The following ATP2B4 variants were observed in gnomAD, a reference collection of about 807,000 sequenced individuals.
ATP2B4 encodes ATPase plasma membrane Ca2+ transporting 4.
ATP2B4 carries 39 observed loss-of-function variants against 110.3 expected under a neutral mutation model. That is an observed-to-expected ratio of 0.35 (90% confidence interval 0.27 to 0.46). The LOEUF is 0.46. ATP2B4 is among the 20% of genes least tolerant of loss of function. ATP2B4 has a pLI of 1.00. For missense variants in ATP2B4, 1,135 were observed against 1,530.9 expected (o/e 0.74, Z 4.32); for synonymous variants, 538 against 571.7 (o/e 0.94, Z 0.84).
intron 3 of ATP2B4, among the ~76,000 whole-genome samples, chr1:203,699,005 G>T (rs988032425): frequency 6.6e-6 from 1 of 152,078 alleles, no homozygotes; most frequent in Admixed American, 6.6e-5. Context: ...AAACCCCTGG[G>T]GTCAAGCGAT....
rs1261214564 is a variant in ATP2B4 at position 203,722,523 on chromosome 1, A to T, written c.2858A>T (p.His953Leu). ...DIDSGRKAPL[H>L]SPPSQHYTIV... ...GATAGTGGGAGGAAGGCACCTCTAC[A>T]TTCACCACCCAGCCAGCACTATACC... Residue 953 changes from histidine (H) to leucine (L), a missense_variant, in exon 18 of 21, where the codon CAT becomes CTT. By Grantham distance (99) the His-to-Leu change is moderately conservative (BLOSUM62 -3). Around this residue, in one of 9 missense-constraint regions of ATP2B4, gnomAD observed 155 missense variants for 186.2 expected, o/e 0.83. Coordinates refer to ENST00000357681, the MANE Select transcript of ATP2B4 (RefSeq NM_001684.5). The T allele has an allele frequency of 1.2e-6, 2 of 1,614,124 alleles. No individual in the cohort carries two copies. Among genetic ancestry groups the T allele is most frequent in the East Asian group, 4.5e-5 (2 of 44,888 alleles).
intron 1 of ATP2B4, among the ~76,000 whole-genome samples, chr1:203,654,866 GAC>G (rs1291595829): frequency 1.4e-5 from 2 of 147,700 alleles, no homozygotes; most frequent in Non-Finnish European, 3.0e-5. Context: ...CAGCCTGGGT[GAC>G]AGAGTGAGAC....
intron 1 of ATP2B4, among the ~76,000 whole-genome samples, chr1:203,639,570 G>A (rs1663564348): frequency 6.6e-6 from 1 of 152,192 alleles, no homozygotes. Flanking sequence ...AGCTGGTAGG[G>A]GCCTTAGATA....
chr1:203,713,149 G>C lies in ATP2B4; in HGVS notation c.2212-16G>C. Reference sequence around the variant, plus strand: ...TTCTGCATTTGACTGATCCAGGTGTGGTCTGGTGTTGGCAGGTAGAGCAAG... The same window carrying C: ...TTCTGCATTTGACTGATCCAGGTGTCGTCTGGTGTTGGCAGGTAGAGCAAG... On this transcript the variant is annotated splice_polypyrimidine_tract_variant and intron_variant, in intron 13 of 20. Coordinates refer to ENST00000357681, the MANE Select transcript of ATP2B4 (RefSeq NM_001684.5). 2 of 1,614,056 alleles carry C rather than the reference G, an allele frequency of 1.2e-6. No individual in the cohort carries two copies. The highest frequency in any genetic ancestry group is 1.7e-6 in the Non-Finnish European group (2 of 1,179,902).
chr1:203,737,070 A>G (rs1666895292), intron 20 of ATP2B4, among the ~76,000 whole-genome samples: 1 of 151,952 alleles, frequency 6.6e-6, no homozygotes. Context: ...GACATTTCCC[A>G]TATTTTTTCC....
At chr1:203,685,577 A>G (rs1665155019) in intron 2 of ATP2B4, among the ~76,000 whole-genome samples, 1 of 152,190 alleles carries the variant, frequency 6.6e-6, no homozygotes, top group Non-Finnish European at 1.5e-5. Flanking sequence ...TTTTACATAG[A>G]TATCTATACC....
At chr1:203,657,770 C>G in intron 1 of ATP2B4, 1 of 646,936 alleles carries the variant, frequency 1.5e-6, no homozygotes, top group Non-Finnish European at 2.8e-6. Context: ...TGGTGACAGG[C>G]GCAGAACCAC....
chr1:203,741,379 T>C lies in ATP2B4; in HGVS notation c.*1525T>C, dbSNP rs1254391975. On this transcript the variant is annotated 3_prime_UTR_variant, in exon 21 of 21. Coordinates refer to ENST00000357681, the MANE Select transcript of ATP2B4 (RefSeq NM_001684.5). ...CATCTGCCTCTCAGGAGTTGGGGAC[T>C]TTGCTAGGAGATTTTTTAAGTGTTC... The C allele has an allele frequency of 2.0e-5, 3 of 152,594 alleles. No individual in the cohort carries two copies. The highest frequency in any genetic ancestry group is 3.9e-4 in the East Asian group (2 of 5,178). The allele number at this position is 152,594 out of a possible 1,614,324, so 9.5% of individuals were successfully genotyped here.
intron 1 of ATP2B4, among the ~76,000 whole-genome samples, chr1:203,678,920 T>C (rs1412598750): frequency 1.3e-5 from 2 of 152,168 alleles, no homozygotes; most frequent in Non-Finnish European, 2.9e-5. Context: ...GACCAATGCT[T>C]TCACACGTCA....
intron 20 of ATP2B4, chr1:203,729,727 A>T: frequency 7.4e-7 from 1 of 1,352,294 alleles, no homozygotes; most frequent in Non-Finnish European, 9.9e-7. Context: ...AGCCCTGAGC[A>T]CTTCTCCGTG....
At chr1:203,736,818 T>A (rs774332496) in intron 20 of ATP2B4, among the ~76,000 whole-genome samples, 1 of 152,034 alleles carries the variant, frequency 6.6e-6, no homozygotes, top group Non-Finnish European at 1.5e-5. Flanking sequence ...GGTGGATTGG[T>A]GGTGATATAG....
At chr1:203,717,071 G>A (rs867597844) in intron 15 of ATP2B4, among the ~76,000 whole-genome samples, 8 of 114,626 alleles carry the variant, frequency 7.0e-5, no homozygotes, top group African/African-American at 2.1e-4. Flanking sequence ...GATGGCGGGC[G>A]CCTGTAATCC....
intron 12 of ATP2B4, 37 bp from the exon 13 acceptor site, chr1:203,711,923 C>A: frequency 6.2e-7 from 1 of 1,602,318 alleles, no homozygotes; most frequent in Non-Finnish European, 8.5e-7. Flanking sequence ...GGTCATCACC[C>A]TCATCTGCGC....
At chr1:203,710,569 G>A (rs552142178) in intron 11 of ATP2B4, among the ~76,000 whole-genome samples, 1 of 152,282 alleles carries the variant, frequency 6.6e-6, no homozygotes, top group South Asian at 2.1e-4. Context: ...GATTGAAAAA[G>A]TCTCTCTGCC....
At chr1:203,698,623 CATTTT>C (rs755448650) in intron 3 of ATP2B4, among the ~76,000 whole-genome samples, 3 of 151,548 alleles carry the variant, frequency 2.0e-5, no homozygotes, top group Non-Finnish European at 4.4e-5. Context: ...CCTTTTAAGA[CATTTT>C]ATTTATTTAT....
At chr1:203,687,373 C>T (rs1392593003) in intron 2 of ATP2B4, among the ~76,000 whole-genome samples, 2 of 152,034 alleles carry the variant, frequency 1.3e-5, no homozygotes, top group African/African-American at 2.4e-5. Context: ...GTAATGCTCA[C>T]CTGTTTAGTT....
chr1:203,709,144 G>A (rs192344039), intron 10 of ATP2B4, among the ~76,000 whole-genome samples, 157 bp from the exon 11 acceptor site: 4 of 152,010 alleles, frequency 2.6e-5, no homozygotes, highest in East Asian at 1.9e-4. Flanking sequence ...GCAACAGAGC[G>A]AGACTCCATC....
At chr1:203,735,002 CAAAAAAAAAAAAA>C (rs35552196) in intron 20 of ATP2B4, among the ~76,000 whole-genome samples, 2 of 57,132 alleles carry the variant, frequency 3.5e-5, no homozygotes, top group Admixed American at 2.7e-4. Flanking sequence ...GACTCCATCT[CAAAAAAAAAAAAA>C]AAAAAAAAAA....
intron 1 of ATP2B4, among the ~76,000 whole-genome samples, chr1:203,651,452 C>T (rs1424366544): frequency 3.9e-5 from 6 of 152,128 alleles, no homozygotes; most frequent in Admixed American, 1.3e-4. Flanking sequence ...TTATTTGCAT[C>T]CACCTATGAC....
Sources: allele counts gnomAD v4.1 joint callset (sites outside exome capture counted in the v4.1 genomes callset), GRCh38; gene constraint gnomAD v4.1.1; regional missense constraint gnomAD v4.1.1; transcripts MANE v1.5; gene names NCBI Gene and HGNC (gene_info 2026-07-23, HGNC 2026-07-21).